Variants in TTLL8 observed in about 807,000 individuals in gnomAD.
TTLL8 encodes protein monoglycylase TTLL8.
A neutral mutation model predicts 77.8 loss-of-function variants in TTLL8; 65 were observed. That is an observed-to-expected ratio of 0.84 (90% CI 0.68 to 1.03). TTLL8 has a LOEUF of 1.03. Ranked by LOEUF, TTLL8 falls within the 50% of genes least tolerant of loss-of-function variation. TTLL8 has a pLI of 0.00. For missense variants in TTLL8, 910 were observed against 1,004.5 expected (o/e 0.91, Z 1.27); for synonymous variants, 402 against 422.8 (o/e 0.95, Z 0.60).
At chr22:50,026,986 C>T (rs2061233228) in intron 12 of TTLL8, among the ~76,000 whole-genome samples, 3 of 152,140 alleles carry the variant, frequency 2.0e-5, no homozygotes, top group South Asian at 2.1e-4. Flanking sequence ...GTAATCCCAG[C>T]ACTTAGGGAG....
In TTLL8 at chr22:50,027,515, C is replaced by G. The variant is rs1166427359; in HGVS notation, c.2203+2915G>C. 3 of 673,764 alleles carry G rather than the reference C, an allele frequency of 4.5e-6. No homozygotes were observed. In the Admixed American group the frequency reaches 2.2e-4, roughly 49 times the overall value. 41.7% of individuals were successfully genotyped at this position (673,764 alleles called of 1,614,324 possible). Reference sequence around the variant, plus strand: ...AGCCACTGCACTCCAGCCTGGGCAACAGAATGAGACTCCGTCTCAAAAAAA... The same window carrying G: ...AGCCACTGCACTCCAGCCTGGGCAAGAGAATGAGACTCCGTCTCAAAAAAA... On this transcript the variant is annotated intron_variant, in intron 12 of 13. Coordinates refer to ENST00000266182, the Ensembl canonical transcript of TTLL8.
chr22:50,041,695 C>T lies in TTLL8; in HGVS notation c.756G>A (p.Thr252=), dbSNP rs372593700. 3.6e-5 allele frequency: 49 copies of T among 1,367,038 alleles called. No homozygotes were observed. The highest frequency in any genetic ancestry group is 2.9e-4 in the African/African-American group (20 of 67,866). The allele number at this position is 1,367,038 out of a possible 1,614,324, so 84.7% of individuals were successfully genotyped here. The change falls in exon 7 of 14, where the codon ACG becomes ACA. Residue 252 remains threonine, a synonymous_variant. Transcript: ENST00000266182. The surrounding 1 kb of genome is among the most constrained non-coding windows in gnomAD (Gnocchi z 4.3). ...TGAGGTCCTCCACGGCATCTGCTGACGTGTCGATGTCCTCATGCTCCAGCT... is the reference window on the plus strand; with the variant it reads ...TGAGGTCCTCCACGGCATCTGCTGATGTGTCGATGTCCTCATGCTCCAGCT...
At position 50,041,752 on chromosome 22, in the gene TTLL8, G is replaced by A. The variant is rs368369766; in HGVS notation, c.699C>T (p.Ile233=). The change falls in exon 7 of 14, where the codon ATC becomes ATT. Residue 233 remains isoleucine, a synonymous_variant. Transcript: ENST00000266182. The surrounding 1 kb of genome is among the most constrained non-coding windows in gnomAD (Gnocchi z 4.3). ...GGTAGGCCTGGCACACCTTGCACGC[G>A]ATGTCCACAAGCTGCCCCGGGAGGC... The A allele has an allele frequency of 5.0e-5, 68 of 1,364,894 alleles. 1 individual carries two copies. In the South Asian group the frequency reaches 6.5e-4, roughly 13 times the overall value. 84.5% of individuals were successfully genotyped at this position (1,364,894 alleles called of 1,614,324 possible). A position where few individuals can be genotyped will look rare whatever the true frequency, so the allele number is the denominator to read the frequency against.
exon 12 of TTLL8, chr22:50,030,699 C>T (rs2061283158): frequency 2.3e-6 from 3 of 1,290,846 alleles, no homozygotes; most frequent in African/African-American, 3.1e-5. Flanking sequence ...CAGGGGGAGC[C>T]CCTTCTCTTC....
upstream of TTLL8, among the ~76,000 whole-genome samples, chr22:50,054,850 G>A (rs527368125): frequency 6.6e-6 from 1 of 152,200 alleles, no homozygotes; most frequent in Non-Finnish European, 1.5e-5. Flanking sequence ...CTGAGGTCAG[G>A]AGTTCGAGAC....
intron 8 of TTLL8, among the ~76,000 whole-genome samples, chr22:50,038,740 A>G (rs1011035803): frequency 6.6e-6 from 1 of 152,060 alleles, no homozygotes; most frequent in Non-Finnish European, 1.5e-5. Context: ...TGAGCCCAGG[A>G]GTTTGAGGTT....
chr22:50,032,778 C>T (rs1438491042), intron 10 of TTLL8, among the ~76,000 whole-genome samples: 1 of 152,170 alleles, frequency 6.6e-6, no homozygotes, highest in Non-Finnish European at 1.5e-5. Context: ...CAGGCTCTCG[C>T]CCTCCTGCCC....
At chr22:50,023,171 A>G (rs1336238242) in intron 12 of TTLL8, among the ~76,000 whole-genome samples, 1 of 152,276 alleles carries the variant, frequency 6.6e-6, no homozygotes, top group Non-Finnish European at 1.5e-5. Flanking sequence ...TTTGTAAAAT[A>G]TACTTATAAA....
At chr22:50,050,117 C>A (rs755324595) in exon 2 of TTLL8, 1 of 1,366,880 alleles carries the variant, frequency 7.3e-7, no homozygotes, top group African/African-American at 1.5e-5. Context: ...ACCATTGACC[C>A]GGGCGCCTTC....
intron 8 of TTLL8, among the ~76,000 whole-genome samples, chr22:50,039,737 C>G (rs898126683): frequency 6.7e-6 from 1 of 149,058 alleles, no homozygotes; most frequent in Admixed American, 6.7e-5. Flanking sequence ...ACTGACCCCA[C>G]GTGTATCAGT....
chr22:50,052,448 C>T lies in TTLL8; in HGVS notation c.51+2128G>A, dbSNP rs150621244. Among the ~76,000 whole-genome samples, 952 of 152,148 alleles carry T rather than the reference C, an allele frequency of 6.3e-3. 2 individuals are homozygous for T. The highest frequency in any genetic ancestry group is 0.028 in the South Asian group (133 of 4,820). ...TTAAAAAGTAACCAGTCCGGGAGAGCACATGAAAGGAGAGGAAAGGAAAAT... is the reference window on the plus strand; with the variant it reads ...TTAAAAAGTAACCAGTCCGGGAGAGTACATGAAAGGAGAGGAAAGGAAAAT... On this transcript the variant is annotated intron_variant, in intron 1 of 13. Coordinates refer to ENST00000266182, the Ensembl canonical transcript of TTLL8.
intron 4 of TTLL8, among the ~76,000 whole-genome samples, chr22:50,046,275 G>A (rs1262701492): frequency 1.3e-5 from 2 of 152,176 alleles, no homozygotes; most frequent in Non-Finnish European, 2.9e-5. Context: ...GGTGGGCACT[G>A]GGGCTCCCTC....
upstream of TTLL8, among the ~76,000 whole-genome samples, chr22:50,057,623 GGGGGTCAGGTCTGGGTT>G (rs1356542274): frequency 7.7e-5 from 4 of 52,002 alleles, no homozygotes; most frequent in African/African-American, 5.8e-4. Flanking sequence ...GGTCTGGGTT[GGGGGTCAGGTCTGGGTT>G]GGGGTCAGGT....
At chr22:50,057,077 G>C (rs2061474696), upstream of TTLL8, 1 of 803,172 alleles carries the variant, frequency 1.2e-6, no homozygotes, top group Non-Finnish European at 1.8e-6. Context: ...TCTGGGGTTG[G>C]GGATCAGCTC....
chr22:50,031,745 T>A (rs755240098), exon 11 of TTLL8: 2 of 1,355,674 alleles, frequency 1.5e-6, no homozygotes, highest in Non-Finnish European at 2.0e-6. Context: ...GCCACCTTGA[T>A]GGTGTCCTCC....
At chr22:50,048,143 TGTA>T (rs1183407754) in intron 3 of TTLL8, among the ~76,000 whole-genome samples, 1 of 148,452 alleles carries the variant, frequency 6.7e-6, no homozygotes, top group African/African-American at 2.6e-5. Flanking sequence ...TGTGTGTGTG[TGTA>T]AATAATAGCA....
intron 12 of TTLL8, among the ~76,000 whole-genome samples, chr22:50,029,474 G>T (rs981127783): frequency 5.9e-5 from 9 of 151,610 alleles, no homozygotes; most frequent in Non-Finnish European, 1.0e-4. Context: ...GGGCGCGGTG[G>T]CTCACGCCTG....
At chr22:50,023,326 A>G (rs2061214989) in intron 12 of TTLL8, among the ~76,000 whole-genome samples, 1 of 152,208 alleles carries the variant, frequency 6.6e-6, no homozygotes, top group Non-Finnish European at 1.5e-5. Flanking sequence ...TAGGATATCA[A>G]TTCTCCCCAA....
chr22:50,026,039 A>G (rs1428432480), intron 12 of TTLL8, among the ~76,000 whole-genome samples: 1 of 152,206 alleles, frequency 6.6e-6, no homozygotes, highest in African/African-American at 2.4e-5. Flanking sequence ...CACAGCCAAG[A>G]CAGACAAAGG....
Sources: gnomAD v4.1 joint callset for allele counts (sites outside exome capture counted in the v4.1 genomes callset) on GRCh38, gnomAD v4.1.1 for gene constraint, Gnocchi (gnomAD v3.1) non-coding constraint, MANE v1.5 for transcripts, NCBI Gene and HGNC (gene_info 2026-07-23, HGNC 2026-07-21) for gene names.